The following FAT3 variants were observed in gnomAD, a reference collection of about 807,000 sequenced individuals.
The protein encoded by FAT3 is FAT atypical cadherin 3, also known as protocadherin Fat 3.
A neutral mutation model predicts 310.2 loss-of-function variants in FAT3; 95 were observed. That is an observed-to-expected ratio of 0.31 (90% CI 0.26 to 0.36). The LOEUF (loss-of-function observed/expected upper bound fraction) is 0.36, where lower values mean the gene tolerates loss of function less well. FAT3 is among the 10% of genes least tolerant of loss of function. FAT3 has a pLI of 1.00. For missense variants in FAT3, 5,408 were observed against 5,715.6 expected (o/e 0.95, Z 1.74); for synonymous variants, 2,314 against 2,192.9 (o/e 1.06, Z -1.54).
chr11:92,315,394 C>G (rs1239403167), intron 1 of FAT3, among the ~76,000 whole-genome samples: 2 of 149,634 alleles, frequency 1.3e-5, no homozygotes, highest in Non-Finnish European at 3.0e-5. Context: ...ACTATAAGGT[C>G]ACAAAGTTTA....
At chr11:92,436,945 AGTT>A (rs1190120666) in intron 2 of FAT3, among the ~76,000 whole-genome samples, 1 of 152,136 alleles carries the variant, frequency 6.6e-6, no homozygotes, top group African/African-American at 2.4e-5. Flanking sequence ...TCCATGAAAA[AGTT>A]TTATGACATT....
At chr11:92,685,708 C>T (rs1265706609) in intron 3 of FAT3, among the ~76,000 whole-genome samples, 1 of 151,750 alleles carries the variant, frequency 6.6e-6, no homozygotes, top group African/African-American at 2.4e-5. Context: ...AATGAGTAGC[C>T]TGGGCTCTTA....
At chr11:92,418,329 C>T (rs1950459212) in intron 2 of FAT3, among the ~76,000 whole-genome samples, 1 of 151,220 alleles carries the variant, frequency 6.6e-6, no homozygotes, top group Non-Finnish European at 1.5e-5. Flanking sequence ...AAGAAGCCAA[C>T]TTTTGGTAGG....
intron 3 of FAT3, among the ~76,000 whole-genome samples, chr11:92,635,490 T>C (rs1010980239): frequency 1.3e-5 from 2 of 152,222 alleles, no homozygotes; most frequent in African/African-American, 4.8e-5. Context: ...GGAATCACTG[T>C]CTGATGAGTT....
chr11:92,706,853 A>T (rs1165407678), intron 4 of FAT3, among the ~76,000 whole-genome samples: 1 of 152,200 alleles, frequency 6.6e-6, no homozygotes, highest in African/African-American at 2.4e-5. Context: ...TGACATTGGA[A>T]ATTACCACAT....
At chr11:92,568,161 G>A (rs1955538580) in intron 3 of FAT3, among the ~76,000 whole-genome samples, 1 of 152,134 alleles carries the variant, frequency 6.6e-6, no homozygotes, top group Non-Finnish European at 1.5e-5. Flanking sequence ...TCAATAAGGT[G>A]TCTGTCATTA....
At chr11:92,357,815 T>C (rs1948774437) in intron 2 of FAT3, among the ~76,000 whole-genome samples, 2 of 152,144 alleles carry the variant, frequency 1.3e-5, no homozygotes, top group East Asian at 3.9e-4. Context: ...TTGGGTGTTA[T>C]TTAGAAAAGA....
In FAT3 at chr11:92,545,830, T is replaced by C. The variant is rs76982608; in HGVS notation, c.3607+20882T>C. On this transcript the variant is annotated intron_variant, in intron 3 of 27. Transcript: ENST00000525166. ...ATCCAGTCATGGGTGTTTTATGCTATACAGCAAAGCCCTTTCAGAGCCACC... is the reference window on the plus strand; with the variant it reads ...ATCCAGTCATGGGTGTTTTATGCTACACAGCAAAGCCCTTTCAGAGCCACC... 4.9e-4 allele frequency among the ~76,000 whole-genome samples: 75 copies of C among 152,352 alleles called. No homozygotes were observed. In the East Asian group the frequency reaches 0.013, roughly 27 times the overall value.
intron 3 of FAT3, among the ~76,000 whole-genome samples, chr11:92,532,934 C>T (rs1369160825): frequency 6.6e-6 from 1 of 152,266 alleles, no homozygotes; most frequent in African/African-American, 2.4e-5. Context: ...TAGATTAAGG[C>T]TCTCTGAGGT....
chr11:92,284,663 T>A (rs1263977951), intron 1 of FAT3, among the ~76,000 whole-genome samples: 2 of 152,096 alleles, frequency 1.3e-5, no homozygotes, highest in Non-Finnish European at 2.9e-5. Context: ...TTGGATTTTT[T>A]AGATGAACTT....
chr11:92,561,353 T>A (rs1204204202), intron 3 of FAT3, among the ~76,000 whole-genome samples: 1 of 152,046 alleles, frequency 6.6e-6, no homozygotes, highest in Non-Finnish European at 1.5e-5. Context: ...TTCTGAGAGC[T>A]GTTTGAAGGA....
chr11:92,830,328 C>T (rs1948211320), intron 13 of FAT3, among the ~76,000 whole-genome samples: 1 of 152,182 alleles, frequency 6.6e-6, no homozygotes, highest in African/African-American at 2.4e-5. Context: ...TGTTAATAGA[C>T]ATTTCCTAGT....
In FAT3 at chr11:92,800,868, G is replaced by T. The variant is rs776453641; in HGVS notation, c.7855G>T (p.Val2619Phe). 3 of 1,613,330 alleles carry T rather than the reference G, an allele frequency of 1.9e-6. No homozygotes were observed. Among genetic ancestry groups the T allele is most frequent in the Non-Finnish European group, 8.5e-7 (1 of 1,179,686 alleles). Reference protein sequence around the residue: ...VRADVGRGHLVTQVQAIDPDD... With the variant: ...VRADVGRGHLFTQVQAIDPDD... ...GGCAGATGTTGGAAGGGGCCACTTG[G>T]TCACTCAAGTTCAAGCCATAGATCC... The change falls in exon 10 of 28, where the codon GTC (valine) becomes TTC (phenylalanine). Residue 2619 changes from valine to phenylalanine, a missense_variant. Val to Phe is a conservative substitution (Grantham distance 50). Around this residue, in one of 5 missense-constraint regions of FAT3, gnomAD observed 4,588 missense variants for 4,809.8 expected, o/e 0.95. Coordinates refer to ENST00000525166, the MANE Select transcript of FAT3 (RefSeq NM_001367949.2).
In FAT3 at chr11:92,412,249, C is replaced by T. The variant is rs1455494205; in HGVS notation, c.3292+56845C>T. Among the ~76,000 whole-genome samples, 6 of 151,316 alleles carry T rather than the reference C, an allele frequency of 4.0e-5. No homozygotes were observed. In the East Asian group the frequency reaches 7.8e-4, roughly 20 times the overall value. On this transcript the variant is annotated intron_variant, in intron 2 of 27. Transcript: ENST00000525166. ...TCCTGAGTAGCTGGGATTACAGGTG[C>T]GTGCCACCACACCCAGCTAATTTTT...
intron 2 of FAT3, among the ~76,000 whole-genome samples, chr11:92,388,161 T>C (rs1202403438): frequency 1.3e-5 from 2 of 152,196 alleles, no homozygotes; most frequent in Non-Finnish European, 2.9e-5. Context: ...TTCAGCATGG[T>C]TTTGTGGATG....
intron 3 of FAT3, among the ~76,000 whole-genome samples, chr11:92,612,161 T>C (rs1484841186): frequency 6.6e-6 from 1 of 152,230 alleles, no homozygotes; most frequent in African/African-American, 2.4e-5. Context: ...TTTTTACTTG[T>C]AATAGTGTTT....
intron 2 of FAT3, among the ~76,000 whole-genome samples, chr11:92,363,513 T>C (rs560117929): frequency 6.6e-6 from 1 of 152,390 alleles, no homozygotes; most frequent in Non-Finnish European, 1.5e-5. Context: ...AACTTCTTTT[T>C]CCCAAACTTG....
At chr11:92,279,999 T>C (rs1236527350) in intron 1 of FAT3, among the ~76,000 whole-genome samples, 1 of 152,178 alleles carries the variant, frequency 6.6e-6, no homozygotes, top group African/African-American at 2.4e-5. Context: ...TGACTTAAGT[T>C]TCTCAAGCAA....
chr11:92,246,884 A>G (rs1269291008), intron 1 of FAT3, among the ~76,000 whole-genome samples: 1 of 152,104 alleles, frequency 6.6e-6, no homozygotes, highest in Non-Finnish European at 1.5e-5. Context: ...GAGTCAGAAG[A>G]ACATGAAATG....
Sources: gnomAD v4.1 joint callset for allele counts (sites outside exome capture counted in the v4.1 genomes callset) on GRCh38, gnomAD v4.1.1 for gene constraint, gnomAD v4.1.1 regional missense constraint, MANE v1.5 for transcripts, NCBI Gene and HGNC (gene_info 2026-07-23, HGNC 2026-07-21) for gene names.